Variants in ARHGAP9 observed in about 807,000 individuals in gnomAD.
The protein encoded by ARHGAP9 is Rho GTPase activating protein 9.
ARHGAP9 carries 76 observed loss-of-function variants against 87.3 expected under a neutral mutation model. The observed-to-expected ratio is 0.87, with a 90% confidence interval of 0.72 to 1.05. ARHGAP9 has a LOEUF of 1.05. ARHGAP9 is among the 50% of genes least tolerant of loss of function. The pLI is 0.00. For synonymous variants in ARHGAP9, 382 were observed against 394.9 expected (o/e 0.97, Z 0.39); for missense variants, 941 against 960.5 (o/e 0.98, Z 0.27).
At position 57,479,787 on chromosome 12, in the gene ARHGAP9, G is replaced by A; in HGVS notation, c.-76C>T. ...GAGTTGGTCCTGGGTAGTGGTGGGA[G>A]TCTTGAGGTGGACACAGGAAGGAGA... On this transcript the variant is annotated 5_prime_UTR_variant, in exon 1 of 18. Transcript: ENST00000393791. 1 of 1,548,600 alleles carries A rather than the reference G, an allele frequency of 6.5e-7. No individual in the cohort carries two copies. The highest frequency in any genetic ancestry group is 8.7e-7 in the Non-Finnish European group (1 of 1,146,000).
In ARHGAP9 at chr12:57,475,474, G is replaced by T; in HGVS notation, c.1444+9C>A. 6.3e-7 allele frequency: 1 copy of T among 1,590,848 alleles called. No homozygotes were observed. On this transcript the variant is annotated intron_variant, in intron 11 of 17. Transcript: ENST00000393791. ...CTCCCGGACTCTCCCTCCCCAGCCC[G>T]CGCCTCACTGGAGCTCCGGCGGCTG...
In ARHGAP9 at chr12:57,488,158, G is replaced by A. The variant is rs1247809884; in HGVS notation, c.-204+454C>T. 6.2e-7 allele frequency: 1 copy of A among 1,614,162 alleles called. No homozygotes were observed. Among genetic ancestry groups the A allele is most frequent in the Non-Finnish European group, 8.5e-7 (1 of 1,180,032 alleles). ...GTGCTGGCCGCCGCCGGGAGAGCCC[G>A]GGGCAGAGCAGAGGTGCTCATCAGC... On this transcript the variant is annotated intron_variant, in intron 1 of 20. Coordinates refer to the ARHGAP9 transcript ENST00000393797.
At chr12:57,475,993 T>C (rs1415199219) in intron 9 of ARHGAP9, 62 bp from the exon 10 acceptor site, 77 of 1,536,614 alleles carry the variant, frequency 5.0e-5, no homozygotes, top group Non-Finnish European at 6.7e-5. Flanking sequence ...CAGGGAGACC[T>C]AGCGGGAGGC....
rs1565612053 is a variant in ARHGAP9, at chr12:57,474,689, C to T, written c.1666G>A (p.Gly556Ser). ...AVDKRGLDVDGIYRVSGNLAV... is the reference protein window; with the variant it reads ...AVDKRGLDVDSIYRVSGNLAV... ...AAGTTCCCGCTCACCCGATAAATGC[C>T]ATCCACATCTAGACCTGGGAGATGA... Residue 556 changes from glycine to serine, a missense_variant, in exon 14 of 18, where the codon GGC becomes AGC. Physicochemically the swap from Gly to Ser is moderately conservative, Grantham distance 56. Coordinates refer to ENST00000393791, the MANE Select transcript of ARHGAP9 (RefSeq NM_032496.4). 1 of 1,614,192 alleles carries T rather than the reference C, an allele frequency of 6.2e-7. No homozygotes were observed. Among genetic ancestry groups the T allele is most frequent in the South Asian group, 1.1e-5 (1 of 91,086 alleles).
intron 1 of ARHGAP9, among the ~76,000 whole-genome samples, chr12:57,486,247 C>T (rs1875384535): frequency 6.6e-6 from 1 of 151,966 alleles, no homozygotes; most frequent in Admixed American, 6.6e-5. Flanking sequence ...ATACTTATTG[C>T]CAAACTCTTA....
At chr12:57,484,047 A>T (rs1322253430), upstream of ARHGAP9, 1 of 258,120 alleles carries the variant, frequency 3.9e-6, no homozygotes, top group Non-Finnish European at 7.8e-6. Context: ...TCTCAAAAAA[A>T]AAAAAAAAAA....
chr12:57,488,011 C>T (rs567980156), intron 1 of ARHGAP9: 3 of 1,211,546 alleles, frequency 2.5e-6, no homozygotes, highest in East Asian at 4.7e-5. Context: ...AACTCCATTT[C>T]CCGGCGTGCC....
chr12:57,476,942 G>A lies in ARHGAP9; in HGVS notation c.892C>T (p.Arg298Cys), dbSNP rs749408492. ...GCTGGAGGGTCAAGCTGCGAGGTGC[G>A]TTGGCTGAGGCTGAGTGAACCCTAG... ...DPQGSLSLSQRTSQLDPPALQ... is the reference protein window; with the variant it reads ...DPQGSLSLSQCTSQLDPPALQ... Residue 298 changes from arginine to cysteine, a missense_variant, in exon 6 of 18, where the codon CGC becomes TGC. Transcript: ENST00000393791. The A allele has an allele frequency of 5.6e-6, 9 of 1,613,610 alleles. No individual in the cohort carries two copies. The highest frequency in any genetic ancestry group is 1.3e-5 in the African/African-American group (1 of 74,758).
chr12:57,474,415 G>C lies in ARHGAP9; in HGVS notation c.1783+8C>G. The C allele has an allele frequency of 6.2e-7, 1 of 1,614,132 alleles. No individual in the cohort carries two copies. The highest frequency in any genetic ancestry group is 8.5e-7 in the Non-Finnish European group (1 of 1,179,994). On this transcript the variant is annotated splice_region_variant and intron_variant, in intron 15 of 17. Transcript: ENST00000393791. ...TTTAGGGATCTGAAGGGTCTTCCAT[G>C]TAAGTACCTTGTCCTGGCTGTTCTG...
chr12:57,476,973 A>AG lies in ARHGAP9; in HGVS notation c.871-11dup. 6.5e-7 allele frequency: 1 copy of AG among 1,530,408 alleles called. No homozygotes were observed. 94.8% of individuals were successfully genotyped at this position (1,530,408 alleles called of 1,614,324 possible). A position where few individuals can be genotyped will look rare whatever the true frequency, so the allele number is the denominator to read the frequency against. On this transcript the variant is annotated splice_polypyrimidine_tract_variant and intron_variant, in intron 5 of 17. Transcript: ENST00000393791. Reference sequence around the variant, plus strand: ...TGAGGCTGAGTGAACCCTAGGGGAGAGGATTGGAGAAACAGGTGGGGAAAC... The same window carrying AG: ...TGAGGCTGAGTGAACCCTAGGGGAGAGGGATTGGAGAAACAGGTGGGGAAAC...
rs1039538702 is a variant in ARHGAP9, at chr12:57,477,940, C to T, written c.535-260G>A. 8.6e-6 allele frequency: 11 copies of T among 1,277,204 alleles called. No homozygotes were observed. The African/African-American group carries it at 1.7e-4, about 20-fold the overall frequency. The allele number at this position is 1,277,204 out of a possible 1,614,324, so 79.1% of individuals were successfully genotyped here. On this transcript the variant is annotated intron_variant, in intron 3 of 17. Transcript: ENST00000393791. ...CCCCCACCCCACCCCCACCTCAGGG[C>T]CACAGGAAAGGGGAACAGGCTTTTT...
At chr12:57,487,874 A>AAAT in intron 1 of ARHGAP9, 1 of 400,428 alleles carries the variant, frequency 2.5e-6, no homozygotes, top group South Asian at 4.4e-5. Flanking sequence ...AAAAAAAAAA[A>AAAT]GTGCAGTCTA....
chr12:57,487,862 A>G (rs1204509810), intron 1 of ARHGAP9: 2 of 475,286 alleles, frequency 4.2e-6, no homozygotes, highest in Admixed American at 3.9e-5. Context: ...AAAAAAAAAA[A>G]AAAAAAAAAA....
Position 57,478,226 on chromosome 12 carries a change from C to CGCCCTGT in ARHGAP9, c.534+307_534+313dup, listed in dbSNP as rs1874475997. On this transcript the variant is annotated intron_variant, in intron 3 of 17. Transcript: ENST00000393791. ...GGCTGGCCTTTCAGTGCCTCCACTG[C>CGCCCTGT]GCCCTGTGCCCTGTCCCCTCAGGGC... The CGCCCTGT allele has an allele frequency of 2.0e-5, 7 of 352,998 alleles. No homozygotes were observed. The South Asian group carries it at 2.1e-4, about 11-fold the overall frequency. 21.9% of individuals were successfully genotyped at this position (352,998 alleles called of 1,614,324 possible).
intron 1 of ARHGAP9, among the ~76,000 whole-genome samples, chr12:57,486,897 A>AT (rs1236894675): frequency 1.3e-5 from 2 of 150,606 alleles, no homozygotes; most frequent in Non-Finnish European, 3.0e-5. Flanking sequence ...AAGAAAAAAA[A>AT]AAAAAAGAGA....
At chr12:57,480,879 C>G, upstream of ARHGAP9, 1 of 1,521,694 alleles carries the variant, frequency 6.6e-7, no homozygotes, top group Non-Finnish European at 8.9e-7. Context: ...ATGACCCTCC[C>G]CACTGGTGAT....
rs1318253667 is a variant in ARHGAP9 at position 57,479,176 on chromosome 12, G to A, written c.231C>T (p.Phe77=). Residue 77 remains phenylalanine, a synonymous_variant, in exon 2 of 18, where the codon TTC becomes TTT. Transcript: ENST00000393791. ...CCTCTATCATATAGGCTGCTGGGAC[G>A]AAGATGGGTCGAGAGGTGGAGGGAG... ...LEAPSTSRPI[F]VPAAYMIEES... is the part of the protein sequence containing the mutation. The A allele has an allele frequency of 3.1e-6, 5 of 1,614,100 alleles. No individual in the cohort carries two copies. Among genetic ancestry groups the A allele is most frequent in the Admixed American group, 3.3e-5 (2 of 60,012 alleles).
Position 57,474,910 on chromosome 12 carries a change from A to G in ARHGAP9, c.1616T>C (p.Phe539Ser), listed in dbSNP as rs1235512226. Residue 539 changes from phenylalanine (F) to serine (S), a missense_variant, in exon 13 of 18, where the codon TTT (phenylalanine) becomes TCT (serine). By Grantham distance (155) the Phe-to-Ser change is radical. Coordinates refer to ENST00000393791, the MANE Select transcript of ARHGAP9 (RefSeq NM_032496.4). ...CQREGDTVPS[F>S]LRLCIAAVDK... Reference sequence around the variant, plus strand: ...CACAGCAGCAATGCAGAGCCGCAAAAAGCTGGGCACCGTGTCTCCTTCCCG... The same window carrying G: ...CACAGCAGCAATGCAGAGCCGCAAAGAGCTGGGCACCGTGTCTCCTTCCCG... The G allele has an allele frequency of 6.2e-7, 1 of 1,614,118 alleles. No homozygotes were observed. The highest frequency in any genetic ancestry group is 8.5e-7 in the Non-Finnish European group (1 of 1,180,008).
intron 1 of ARHGAP9, chr12:57,488,587 C>T (rs1727496338): frequency 1.3e-6 from 2 of 1,550,962 alleles, no homozygotes; most frequent in East Asian, 2.4e-5. Flanking sequence ...CCTCCTAACA[C>T]ACACACACGT....
Sources: gnomAD v4.1 joint callset for allele counts (sites outside exome capture counted in the v4.1 genomes callset) on GRCh38, gnomAD v4.1.1 for gene constraint, MANE v1.5 for transcripts, NCBI Gene and HGNC (gene_info 2026-07-23, HGNC 2026-07-21) for gene names.